LRP1B: variants seen among roughly 807,000 people sequenced by gnomAD.
The protein encoded by LRP1B is low-density lipoprotein receptor-related protein 1B.
LRP1B carries 217 observed loss-of-function variants against 556.6 expected under a neutral mutation model. That is an observed-to-expected ratio of 0.39 (90% confidence interval 0.35 to 0.44). The LOEUF (loss-of-function observed/expected upper bound fraction) is 0.44. LRP1B is among the 20% of genes least tolerant of loss of function. LRP1B has a pLI of 1.00. For missense variants in LRP1B, 5,053 were observed against 5,620.8 expected, an observed-to-expected ratio of 0.90 and a Z score of 3.23; for synonymous variants, 2,047 against 1,865.8, an observed-to-expected ratio of 1.10 and a Z score of -2.50.
intron 1 of LRP1B, among the ~76,000 whole-genome samples, chr2:142,003,296 T>C (rs1702710770): frequency 6.6e-6 from 1 of 152,224 alleles, no homozygotes; most frequent in Non-Finnish European, 1.5e-5. Flanking sequence ...TCAATATACA[T>C]TCACTGTGAG....
chr2:140,883,058 G>A (rs1462970160), intron 25 of LRP1B, among the ~76,000 whole-genome samples: 15 of 152,168 alleles, frequency 9.9e-5, no homozygotes, highest in Admixed American at 9.8e-4. Context: ...AACTGAAGGA[G>A]GAAGATGTTA....
intron 68 of LRP1B, among the ~76,000 whole-genome samples, chr2:140,377,275 C>T (rs1427515964): frequency 6.6e-6 from 1 of 152,072 alleles, no homozygotes; most frequent in Non-Finnish European, 1.5e-5. Context: ...CAGGGTTTCA[C>T]CATGTTGGCC....
intron 7 of LRP1B, among the ~76,000 whole-genome samples, chr2:141,169,034 C>T (rs145192614): frequency 0.026 from 3,957 of 151,754 alleles, 163 homozygotes; most frequent in African/African-American, 0.09. Flanking sequence ...GCCTATAATC[C>T]CAGCATTTTG....
At chr2:141,292,280 C>T (rs1396209711) in intron 3 of LRP1B, among the ~76,000 whole-genome samples, 1 of 152,152 alleles carries the variant, frequency 6.6e-6, no homozygotes, top group African/African-American at 2.4e-5. Flanking sequence ...AAACTGGTCC[C>T]AGGTACCAAA....
At chr2:140,480,933 C>G (rs1398582820) in intron 59 of LRP1B, among the ~76,000 whole-genome samples, 1 of 152,042 alleles carries the variant, frequency 6.6e-6, no homozygotes, top group Non-Finnish European at 1.5e-5. Flanking sequence ...GTGGCACCAT[C>G]TGGGCTCACT....
At chr2:140,770,775 A>T (rs2104938242) in intron 34 of LRP1B, 106 bp downstream of exon 34, 1 of 846,772 alleles carries the variant, frequency 1.2e-6, no homozygotes, top group Non-Finnish European at 1.7e-6. Context: ...ATAACTAGTT[A>T]ATTTTTTTCT....
At chr2:141,308,724 C>T (rs1238989748) in intron 3 of LRP1B, among the ~76,000 whole-genome samples, 1 of 152,128 alleles carries the variant, frequency 6.6e-6, no homozygotes, top group Non-Finnish European at 1.5e-5. Context: ...TCTATTTTCA[C>T]ACACAGCTTC....
At chr2:141,945,174 C>A (rs925427382) in intron 1 of LRP1B, among the ~76,000 whole-genome samples, 1 of 151,906 alleles carries the variant, frequency 6.6e-6, no homozygotes, top group African/African-American at 2.4e-5. Flanking sequence ...TTACCACATT[C>A]TTTATGCTTT....
chr2:140,444,830 A>T (rs555208222), intron 63 of LRP1B, 151 bp from the exon 64 acceptor site: 22 of 594,570 alleles, frequency 3.7e-5, no homozygotes, highest in African/African-American at 2.4e-4. Context: ...TTAGATTCAA[A>T]TGTTTAGCTA....
rs571881420 is a variant in LRP1B, at chr2:141,433,384, T to G, written c.343+47012A>C. On this transcript the variant is annotated intron_variant, in intron 3 of 90. Coordinates refer to ENST00000389484, the MANE Select transcript of LRP1B (RefSeq NM_018557.3). ...TGTATTCTGCTACTGTTGGTTGAAG[T>G]GTTCTATAGATAATTGTTAGTGGGT... Among the ~76,000 whole-genome samples the G allele has an allele frequency of 3.9e-5, 6 of 152,064 alleles. No individual in the cohort carries two copies. In the South Asian group the frequency reaches 1.2e-3, roughly 31 times the overall value.
intron 43 of LRP1B, among the ~76,000 whole-genome samples, chr2:140,562,708 C>A (rs1325435308): frequency 6.6e-6 from 1 of 152,082 alleles, no homozygotes; most frequent in African/African-American, 2.4e-5. Flanking sequence ...GCAACCTCCA[C>A]CTCCTGGGTT....
intron 86 of LRP1B, 107 bp downstream of exon 86, chr2:140,270,135 G>A (rs1028799004): frequency 1.3e-6 from 1 of 760,276 alleles, no homozygotes; most frequent in African/African-American, 1.7e-5. Flanking sequence ...AGATGTCCAT[G>A]AAACACTCAT....
At chr2:142,064,932 C>A (rs1469656453) in intron 1 of LRP1B, among the ~76,000 whole-genome samples, 1 of 151,460 alleles carries the variant, frequency 6.6e-6, no homozygotes, top group Non-Finnish European at 1.5e-5. Context: ...CTCCATGTAA[C>A]AATGACAGAA....
chr2:141,841,691 G>A (rs1452964545), intron 1 of LRP1B, among the ~76,000 whole-genome samples: 3 of 152,176 alleles, frequency 2.0e-5, no homozygotes, highest in Non-Finnish European at 2.9e-5. Context: ...AGCCTTCAGT[G>A]TAAGCCAGTG....
chr2:141,228,187 G>C (rs1444542972), intron 6 of LRP1B, among the ~76,000 whole-genome samples: 2 of 152,140 alleles, frequency 1.3e-5, no homozygotes, highest in African/African-American at 2.4e-5. Flanking sequence ...AAAGTGCTGG[G>C]AGCCACCGCA....
At position 141,015,658 on chromosome 2, in the gene LRP1B, A is replaced by G. The variant is rs1697879757; in HGVS notation, c.2190+38T>C. The G allele has an allele frequency of 2.7e-6, 4 of 1,472,076 alleles. No homozygotes were observed. In the South Asian group the frequency reaches 3.5e-5, roughly 13 times the overall value. The allele number at this position is 1,472,076 out of a possible 1,614,324, so 91.2% of individuals were successfully genotyped here. On this transcript the variant is annotated intron_variant, in intron 13 of 90. Transcript: ENST00000389484. ...CACAACAAGGCTCTGTGAAAAAAAG[A>G]AGCCTGTGGGTTAAAAACAGCAGCA...
chr2:140,277,555 CACGTGACATTGGAGTG>C (rs1206879188), intron 84 of LRP1B, among the ~76,000 whole-genome samples: 1 of 151,396 alleles, frequency 6.6e-6, no homozygotes, highest in African/African-American at 2.4e-5. Flanking sequence ...ACATTGGAGT[CACGTGACATTGGAGTG>C]TAAACTCCAG....
chr2:141,923,735 C>T (rs941505054), intron 1 of LRP1B, among the ~76,000 whole-genome samples: 5 of 151,310 alleles, frequency 3.3e-5, no homozygotes, highest in African/African-American at 1.2e-4. Context: ...CCAGAATTAA[C>T]TCATGGTTTG....
At chr2:140,341,702 T>C (rs1681400287) in intron 77 of LRP1B, among the ~76,000 whole-genome samples, 1 of 151,420 alleles carries the variant, frequency 6.6e-6, no homozygotes, top group Non-Finnish European at 1.5e-5. Context: ...TGGGGATATA[T>C]ATGTGCTTGT....
Sources: allele counts gnomAD v4.1 joint callset (sites outside exome capture counted in the v4.1 genomes callset), GRCh38; gene constraint gnomAD v4.1.1; transcripts MANE v1.5; gene names NCBI Gene and HGNC (gene_info 2026-07-23, HGNC 2026-07-21).